Variants in CCDC187 observed in about 807,000 individuals in gnomAD.
CCDC187 encodes the protein coiled-coil domain-containing protein 187.
CCDC187 carries 32 observed loss-of-function variants against 38.0 expected under a neutral mutation model. That is an observed-to-expected ratio of 0.84 (90% confidence interval 0.64 to 1.13). The LOEUF (loss-of-function observed/expected upper bound fraction) is 1.13. Among genes scored for constraint, CCDC187 ranks in the 50% most tolerant of loss-of-function variants. CCDC187 has a pLI of 0.00. For synonymous variants in CCDC187, 333 were observed against 347.9 expected (o/e 0.96, Z 0.48); for missense variants, 707 against 786.8 (o/e 0.90, Z 1.21).
At chr9:136,305,947 G>A (rs892397027), upstream of CCDC187, among the ~76,000 whole-genome samples, 1 of 152,198 alleles carries the variant, frequency 6.6e-6, no homozygotes. Context: ...GTCAGCTCCC[G>A]AAGGCGGGTC....
rs973749530 is a variant in CCDC187, at chr9:136,257,149, C to T, written c.4367-308G>A. On this transcript the variant is annotated intron_variant, in intron 22 of 25. Transcript: ENST00000638797. This position sits in a 1 kb window ranked among gnomAD's most constrained non-coding sequence, Gnocchi z 4.5. ...CAGCACTCTGGGAGGCCGAGGCGGG[C>T]GGATCACAAGGTCAGGAGTTCGAGA... 2.0e-5 allele frequency among the ~76,000 whole-genome samples: 3 copies of T among 152,180 alleles called. No individual in the cohort carries two copies. Among genetic ancestry groups the T allele is most frequent in the Non-Finnish European group, 4.4e-5 (3 of 68,000 alleles).
In CCDC187 at chr9:136,303,676, C is replaced by T. The variant is rs987082322; in HGVS notation, c.143+12G>A. 6.3e-3 allele frequency: 955 copies of T among 152,696 alleles called. 15 individuals carry two copies. Among genetic ancestry groups the T allele is most frequent in the African/African-American group, 0.022 (904 of 41,604 alleles). The allele number at this position is 152,696 out of a possible 1,614,324, so 9.5% of individuals were successfully genotyped here. ...CAGTGCAGCCCCCCGCCTAAGTCCA[C>T]GCAGATGCTACCTGGGCTTGGCAAC... On this transcript the variant is annotated intron_variant, in intron 1 of 25. Coordinates refer to ENST00000638797, the MANE Select transcript of CCDC187 (RefSeq NM_001378188.1).
chr9:136,252,355 A>AGCCG lies in CCDC187; in HGVS notation c.*1235_*1238dup, dbSNP rs1339521794. The AGCCG allele has an allele frequency of 5.8e-6, 1 of 173,296 alleles. No homozygotes were observed. Among genetic ancestry groups the AGCCG allele is most frequent in the Non-Finnish European group, 1.2e-5 (1 of 82,384 alleles). 10.7% of individuals were successfully genotyped at this position (173,296 alleles called of 1,614,324 possible). On this transcript the variant is annotated 3_prime_UTR_variant, in exon 26 of 26. Transcript: ENST00000638797. Reference sequence around the variant, plus strand: ...GAAGGTCCAGGCGACCATCCCGCACAGCCGGCCGCCCACCCCGTCCACCAG... The same window carrying AGCCG: ...GAAGGTCCAGGCGACCATCCCGCACAGCCGGCCGGCCGCCCACCCCGTCCACCAG...
chr9:136,267,974 G>A, intron 15 of CCDC187, 75 bp downstream of exon 15: 4 of 985,402 alleles, frequency 4.1e-6, no homozygotes, highest in Non-Finnish European at 4.8e-6. Flanking sequence ...AAGGACAGTT[G>A]GGTCCGGGGC....
At position 136,258,617 on chromosome 9, in the gene CCDC187, C is replaced by T. The variant is rs782650702; in HGVS notation, c.4366+315G>A. Reference sequence around the variant, plus strand: ...TGCAGAAACCTCCGTCAGCTGAAGACGCTCAGGCAGTGCTGGCTTCCAAAC... The same window carrying T: ...TGCAGAAACCTCCGTCAGCTGAAGATGCTCAGGCAGTGCTGGCTTCCAAAC... On this transcript the variant is annotated intron_variant, in intron 22 of 25. Transcript: ENST00000638797. The surrounding 1 kb of genome is among the most constrained non-coding windows in gnomAD (Gnocchi z 4.3). 3.1e-5 allele frequency: 25 copies of T among 807,198 alleles called. No homozygotes were observed. Among genetic ancestry groups the T allele is most frequent in the Non-Finnish European group, 3.4e-5 (23 of 667,286 alleles). 50.0% of individuals were successfully genotyped at this position (807,198 alleles called of 1,614,324 possible). A position where few individuals can be genotyped will look rare whatever the true frequency, so the allele number is the denominator to read the frequency against.
chr9:136,258,987 CT>C lies in CCDC187; in HGVS notation c.4310del (p.Glu1437GlyfsTer14). On this transcript the variant is annotated frameshift_variant, in exon 22 of 26. Transcript: ENST00000638797. LOFTEE classifies it high-confidence loss of function. This position sits in a 1 kb window ranked among gnomAD's most constrained non-coding sequence, Gnocchi z 4.3. ...LGPAFPAEEA[E>X]GRLPTAQCRS... ...TGCACTGAGCTGTGGGGAGGCGCCC[CT>C]CCGCCTCCTCGGCCTGGGGGGTGAG... is the stretch of plus-strand genomic sequence containing the variant. 3 of 985,866 alleles carry C rather than the reference CT, an allele frequency of 3.0e-6. No individual in the cohort carries two copies. The highest frequency in any genetic ancestry group is 3.6e-6 in the Non-Finnish European group (3 of 830,334). 61.1% of individuals were successfully genotyped at this position (985,866 alleles called of 1,614,324 possible).
At chr9:136,292,006 T>C (rs1831343511) in intron 5 of CCDC187, among the ~76,000 whole-genome samples, 155 bp downstream of exon 5, 2 of 152,194 alleles carry the variant, frequency 1.3e-5, no homozygotes, top group Non-Finnish European at 2.9e-5. Flanking sequence ...CCCAGTTGAA[T>C]GGGTGGCAGG....
intron 19 of CCDC187, among the ~76,000 whole-genome samples, chr9:136,261,583 A>G (rs983653515): frequency 7.9e-5 from 12 of 152,208 alleles, no homozygotes; most frequent in Admixed American, 7.2e-4. Context: ...ACTGGTTGCA[A>G]TGTGAATGAC....
chr9:136,264,181 G>A lies in CCDC187; in HGVS notation c.3736-383C>T, dbSNP rs142841823. ...CAGCGTCCCTGGTGGACGCACCCTC[G>A]GAACAACCTTGCACAGAGCCCAGGG... is the stretch of plus-strand genomic sequence containing the variant. On this transcript the variant is annotated intron_variant, in intron 17 of 25. Transcript: ENST00000638797. This position sits in a 1 kb window ranked among gnomAD's most constrained non-coding sequence, Gnocchi z 4.3. The A allele has an allele frequency of 7.5e-3, 1,142 of 152,508 alleles. 3 individuals carry two copies. Among genetic ancestry groups the A allele is most frequent in the Non-Finnish European group, 0.012 (807 of 68,168 alleles). 9.4% of individuals were successfully genotyped at this position (152,508 alleles called of 1,614,324 possible). A position where few individuals can be genotyped will look rare whatever the true frequency, so the allele number is the denominator to read the frequency against.
chr9:136,293,418 C>A (rs1831417293), intron 4 of CCDC187, among the ~76,000 whole-genome samples: 1 of 78,630 alleles, frequency 1.3e-5, no homozygotes, highest in Admixed American at 1.4e-4. Context: ...CTCACATGCT[C>A]ACATACTCTC....
chr9:136,293,724 ACT>A (rs1253831561), intron 4 of CCDC187, among the ~76,000 whole-genome samples: 1 of 151,540 alleles, frequency 6.6e-6, no homozygotes, highest in Admixed American at 6.6e-5. Context: ...TCACATGCTC[ACT>A]CATGCATTCA....
intron 9 of CCDC187, among the ~76,000 whole-genome samples, chr9:136,284,407 G>A (rs1309819823): frequency 2.0e-5 from 3 of 152,310 alleles, no homozygotes; most frequent in Non-Finnish European, 4.4e-5. Flanking sequence ...CCGAGAGACC[G>A]CCGCCGGCCT....
rs73670214 is a variant in CCDC187, at chr9:136,257,819, C to T, written c.4367-978G>A. Among the ~76,000 whole-genome samples the T allele has an allele frequency of 1.8e-3, 267 of 152,366 alleles. No homozygotes were observed. Among genetic ancestry groups the T allele is most frequent in the African/African-American group, 6.0e-3 (250 of 41,592 alleles). On this transcript the variant is annotated intron_variant, in intron 22 of 25. Coordinates refer to ENST00000638797, the MANE Select transcript of CCDC187 (RefSeq NM_001378188.1). This position sits in a 1 kb window ranked among gnomAD's most constrained non-coding sequence, Gnocchi z 4.5. The stretch of plus-strand genomic sequence containing the variant: ...GGTGACCCCAGCGACCACAATGGGG[C>T]GTCACCCAGGGAGCCCCTGCAAGCG...
chr9:136,259,188 C>T (rs1554760705), intron 21 of CCDC187, among the ~76,000 whole-genome samples, 175 bp downstream of exon 21: 4 of 132,208 alleles, frequency 3.0e-5, no homozygotes, highest in South Asian at 2.4e-4. Context: ...AACCAAGGAC[C>T]GGCCACAGGA....
In CCDC187 at chr9:136,293,351, T is replaced by TTA. The variant is rs1554765605; in HGVS notation, c.833-1057_833-1056insTA. On this transcript the variant is annotated intron_variant, in intron 4 of 25. Transcript: ENST00000638797. ...TGCTTACACACTCACACTCACATGC[T>TTA]CACACACATTCACATGCTCACACAC... is the stretch of plus-strand genomic sequence containing the variant. 7.5e-4 allele frequency among the ~76,000 whole-genome samples: 95 copies of TTA among 126,846 alleles called. 1 individual carries two copies. Among genetic ancestry groups the TTA allele is most frequent in the African/African-American group, 2.7e-3 (89 of 33,082 alleles). The allele number at this position is 126,846 out of a possible 152,430, so 83.2% of individuals were successfully genotyped here. A position where few individuals can be genotyped will look rare whatever the true frequency, so the allele number is the denominator to read the frequency against.
chr9:136,281,213 G>C (rs973471675), intron 10 of CCDC187: 1 of 392,452 alleles, frequency 2.5e-6, no homozygotes. Context: ...ACACTCAGTA[G>C]CAGAAGAAAA....
intron 4 of CCDC187, among the ~76,000 whole-genome samples, chr9:136,293,877 C>G (rs1831453048): frequency 6.6e-6 from 1 of 151,770 alleles, no homozygotes; most frequent in African/African-American, 2.4e-5. Flanking sequence ...TGCTCTCTGA[C>G]TCACACGCTC....
intron 4 of CCDC187, among the ~76,000 whole-genome samples, chr9:136,293,337 T>G (rs1241412621): frequency 1.6e-5 from 2 of 123,300 alleles, no homozygotes; most frequent in East Asian, 2.4e-4. Flanking sequence ...GCTTACACAC[T>G]CACACTCACA....
intron 3 of CCDC187, among the ~76,000 whole-genome samples, chr9:136,299,998 A>G (rs1831635880): frequency 6.6e-6 from 1 of 152,250 alleles, no homozygotes; most frequent in African/African-American, 2.4e-5. Flanking sequence ...CCTGCCCTGC[A>G]GGGCCTGCCT....
Sources: allele counts gnomAD v4.1 joint callset (sites outside exome capture counted in the v4.1 genomes callset), GRCh38; gene constraint gnomAD v4.1.1; non-coding constraint Gnocchi (gnomAD v3.1); transcripts MANE v1.5; gene names NCBI Gene and HGNC (gene_info 2026-07-23, HGNC 2026-07-21).